SLC26A7: variants seen among roughly 807,000 people sequenced by gnomAD.
SLC26A7 encodes the protein anion exchange transporter.
A neutral mutation model predicts 82.5 loss-of-function variants in SLC26A7; 59 were observed. That is an observed-to-expected ratio of 0.72 (90% CI 0.58 to 0.89). The LOEUF (loss-of-function observed/expected upper bound fraction) is 0.89, where lower values mean the gene tolerates loss of function less well. Among genes scored for constraint, SLC26A7 ranks in the 40% least tolerant of loss-of-function variants. The pLI, the probability that SLC26A7 is intolerant of heterozygous loss-of-function variation, is 0.00. For missense variants in SLC26A7, 820 were observed against 793.0 expected (o/e 1.03, Z -0.41); for synonymous variants, 271 against 274.3 (o/e 0.99, Z 0.12).
intron 5 of SLC26A7, among the ~76,000 whole-genome samples, chr8:91,326,679 C>T (rs369975530): frequency 6.6e-6 from 1 of 152,184 alleles, no homozygotes; most frequent in South Asian, 2.1e-4. Context: ...AAGTGAGCAG[C>T]ATTAGATTTG....
chr8:91,335,740 C>A (rs530271492), intron 6 of SLC26A7, among the ~76,000 whole-genome samples: 4 of 152,278 alleles, frequency 2.6e-5, no homozygotes, highest in Admixed American at 6.5e-5. Context: ...AGCCCAAATA[C>A]TTACAAGTTA....
At chr8:91,346,384 G>A (rs1813564944) in intron 9 of SLC26A7, among the ~76,000 whole-genome samples, 1 of 152,072 alleles carries the variant, frequency 6.6e-6, no homozygotes, top group African/African-American at 2.4e-5. Flanking sequence ...AGCCTTAAAA[G>A]TTTTGTTCTA....
At chr8:91,281,144 A>G (rs1281650334) in intron 2 of SLC26A7, among the ~76,000 whole-genome samples, 4 of 152,240 alleles carry the variant, frequency 2.6e-5, no homozygotes, top group Non-Finnish European at 2.9e-5. Flanking sequence ...TAAATTGCAT[A>G]GGTTTTATGA....
intron 2 of SLC26A7, among the ~76,000 whole-genome samples, chr8:91,258,046 A>G (rs561662046): frequency 4.0e-4 from 61 of 152,030 alleles, no homozygotes; most frequent in African/African-American, 1.4e-3. Flanking sequence ...TATCATGAGA[A>G]CAGCATGGGG....
chr8:91,227,007 T>C (rs1266318393), intron 2 of SLC26A7, among the ~76,000 whole-genome samples: 1 of 152,232 alleles, frequency 6.6e-6, no homozygotes, highest in Admixed American at 6.5e-5. Context: ...ATGCATCTGC[T>C]TCTGCCCTGT....
At chr8:91,301,863 TTTGAAATGTATTC>T (rs1435567519) in intron 4 of SLC26A7, among the ~76,000 whole-genome samples, 1 of 152,080 alleles carries the variant, frequency 6.6e-6, no homozygotes, top group Non-Finnish European at 1.5e-5. Context: ...ATGCTAATTG[TTTGAAATGTATTC>T]TGTTGATTTT....
At chr8:91,317,409 A>C (rs775867267) in intron 4 of SLC26A7, among the ~76,000 whole-genome samples, 2 of 152,202 alleles carry the variant, frequency 1.3e-5, no homozygotes, top group Non-Finnish European at 2.9e-5. Context: ...GGTGCCACAT[A>C]TACAAATAAG....
intron 4 of SLC26A7, among the ~76,000 whole-genome samples, chr8:91,314,863 G>C (rs1812585567): frequency 6.6e-6 from 1 of 152,090 alleles, no homozygotes; most frequent in Non-Finnish European, 1.5e-5. Flanking sequence ...TGCAAGGTAG[G>C]TTCCCATGTT....
At chr8:91,286,216 C>T (rs1811706064) in intron 2 of SLC26A7, among the ~76,000 whole-genome samples, 1 of 152,140 alleles carries the variant, frequency 6.6e-6, no homozygotes, top group East Asian at 1.9e-4. Context: ...AGGGACAAGG[C>T]ATACTGGTGG....
chr8:91,367,259 C>T (rs573490291), intron 14 of SLC26A7, among the ~76,000 whole-genome samples: 9 of 152,248 alleles, frequency 5.9e-5, no homozygotes, highest in African/African-American at 1.9e-4. Flanking sequence ...CCACCCGCCT[C>T]GGCCTTCCAA....
rs113154102 is a variant in SLC26A7 at position 91,359,606 on chromosome 8, A to T, written c.1315-2747A>T. Among the ~76,000 whole-genome samples the T allele has an allele frequency of 7.8e-3, 1,184 of 152,260 alleles. 23 individuals carry two copies. The highest frequency in any genetic ancestry group is 0.026 in the African/African-American group (1,100 of 41,538). On this transcript the variant is annotated intron_variant, in intron 11 of 18. Transcript: ENST00000276609. ...AGCAGGCGCATGATGATTCAGTGGGACATTGGGTTTAGCTTGAAAATAGCC... is the reference window on the plus strand; with the variant it reads ...AGCAGGCGCATGATGATTCAGTGGGTCATTGGGTTTAGCTTGAAAATAGCC...
chr8:91,360,937 C>T (rs901274108), intron 11 of SLC26A7, among the ~76,000 whole-genome samples: 2 of 152,094 alleles, frequency 1.3e-5, no homozygotes, highest in Non-Finnish European at 2.9e-5. Context: ...AAAAAACACA[C>T]ACTATATAAA....
At chr8:91,216,289 G>A (rs4596614) in intron 1 of SLC26A7, among the ~76,000 whole-genome samples, 72,353 of 151,946 alleles carry the variant, frequency 0.48, 18,659 homozygotes, top group South Asian at 0.66. Context: ...TGCAATAAGA[G>A]CCAACCTAAA....
At chr8:91,390,101 C>T (rs896380513) in intron 16 of SLC26A7, among the ~76,000 whole-genome samples, 3 of 150,496 alleles carry the variant, frequency 2.0e-5, no homozygotes, top group Admixed American at 6.6e-5. Flanking sequence ...TTTTTACCTC[C>T]CCACCCGCCT....
intron 11 of SLC26A7, among the ~76,000 whole-genome samples, chr8:91,360,273 G>C (rs1814012828): frequency 6.6e-6 from 1 of 152,174 alleles, no homozygotes; most frequent in Non-Finnish European, 1.5e-5. Flanking sequence ...ACAAAGGATT[G>C]TGTCCCCTAC....
chr8:91,268,306 G>T (rs1337415695), intron 2 of SLC26A7, among the ~76,000 whole-genome samples: 3 of 151,732 alleles, frequency 2.0e-5, no homozygotes, highest in Non-Finnish European at 3.0e-5. Flanking sequence ...TTATATATTT[G>T]GGTGCTCCAG....
At chr8:91,367,645 C>T (rs1814234593) in intron 14 of SLC26A7, among the ~76,000 whole-genome samples, 1 of 152,170 alleles carries the variant, frequency 6.6e-6, no homozygotes, top group South Asian at 2.1e-4. Context: ...TCAGTTTTCT[C>T]ACATGTAATT....
At chr8:91,278,222 CG>C (rs1811458098) in intron 2 of SLC26A7, among the ~76,000 whole-genome samples, 1 of 148,336 alleles carries the variant, frequency 6.7e-6, no homozygotes, top group African/African-American at 2.6e-5. Context: ...GGAAGCCCCA[CG>C]GCTCCAGAAA....
intron 11 of SLC26A7, among the ~76,000 whole-genome samples, chr8:91,357,494 A>G (rs117038345): frequency 2.2e-3 from 334 of 152,292 alleles, no homozygotes; most frequent in Non-Finnish European, 3.8e-3. Context: ...TGATATCCAA[A>G]TCTATACTTA....
Sources: gnomAD v4.1 joint callset for allele counts (sites outside exome capture counted in the v4.1 genomes callset) on GRCh38, gnomAD v4.1.1 for gene constraint, MANE v1.5 for transcripts, NCBI Gene and HGNC (gene_info 2026-07-23, HGNC 2026-07-21) for gene names.